The following TMEM38B variants were observed in gnomAD, a reference collection of about 807,000 sequenced individuals.
The protein encoded by TMEM38B is trimeric intracellular cation channel type B.
TMEM38B carries 24 observed loss-of-function variants against 28.7 expected under a neutral mutation model. The observed-to-expected ratio is 0.84, with a 90% confidence interval of 0.61 to 1.18. The LOEUF is 1.18. Ranked by LOEUF, TMEM38B falls within the 50% of genes most tolerant of loss-of-function variation. TMEM38B has a pLI of 0.00. For missense variants in TMEM38B, 380 were observed against 350.9 expected (o/e 1.08, Z -0.66); for synonymous variants, 131 against 127.7 (o/e 1.03, Z -0.17).
intron 5 of TMEM38B, among the ~76,000 whole-genome samples, chr9:105,768,319 G>A (rs1826442527): frequency 6.6e-6 from 1 of 151,916 alleles, no homozygotes; most frequent in South Asian, 2.1e-4. Flanking sequence ...GCATATTACT[G>A]AATCCATTTT....
chr9:105,759,335 C>G (rs1364497392), intron 5 of TMEM38B: 1 of 1,039,434 alleles, frequency 9.6e-7, no homozygotes, highest in Non-Finnish European at 1.5e-6. Context: ...TGAATTCCTT[C>G]AAATCAATGG....
chr9:105,759,898 C>A, intron 5 of TMEM38B: 2 of 1,593,208 alleles, frequency 1.3e-6, no homozygotes. Flanking sequence ...TATCAACACA[C>A]CAGTGGCTGA....
intron 1 of TMEM38B, chr9:105,702,687 T>C (rs1835499818): frequency 6.6e-6 from 1 of 152,102 alleles, no homozygotes; most frequent in Non-Finnish European, 1.5e-5. Context: ...TATTTATTTA[T>C]TTATTTATTT....
intron 5 of TMEM38B, chr9:105,749,157 A>G: frequency 7.9e-7 from 1 of 1,262,766 alleles, no homozygotes; most frequent in Admixed American, 2.5e-5. Context: ...AGTCTCTTCC[A>G]GTCCTCAAAT....
At chr9:105,713,948 G>A (rs1370373279) in intron 2 of TMEM38B, among the ~76,000 whole-genome samples, 2 of 109,598 alleles carry the variant, frequency 1.8e-5, no homozygotes, top group African/African-American at 9.4e-5. Context: ...CTGTAGACAT[G>A]GGGATGACCA....
intron 2 of TMEM38B, chr9:105,710,393 G>T (rs1430048307): frequency 2.3e-6 from 2 of 872,250 alleles, no homozygotes; most frequent in African/African-American, 1.7e-5. Context: ...CTGACTTCAT[G>T]ATCTCCTTCT....
At chr9:105,773,776 G>A (rs1341591484) in intron 5 of TMEM38B, 89 bp from the exon 6 acceptor site, 17 of 1,240,256 alleles carry the variant, frequency 1.4e-5, no homozygotes, top group Non-Finnish European at 1.8e-5. Flanking sequence ...CATTAATAAT[G>A]CATTTTGATT....
chr9:105,713,378 C>T (rs752210137), intron 2 of TMEM38B, among the ~76,000 whole-genome samples: 4 of 152,170 alleles, frequency 2.6e-5, no homozygotes, highest in Non-Finnish European at 4.4e-5. Context: ...GGTGCCTGCT[C>T]CCGCTGCCTG....
chr9:105,738,715 C>CTT (rs71489351), intron 4 of TMEM38B, among the ~76,000 whole-genome samples: 111 of 109,640 alleles, frequency 1.0e-3, no homozygotes, highest in South Asian at 1.5e-3. Context: ...TAATTTTTTC[C>CTT]TTTTTTTTTT....
chr9:105,721,753 C>G, intron 3 of TMEM38B, 32 bp downstream of exon 3: 1 of 1,516,070 alleles, frequency 6.6e-7, no homozygotes, highest in Non-Finnish European at 9.0e-7. Context: ...CATAAATATT[C>G]TGTTGTTGGT....
chr9:105,751,898 G>T (rs915927144), intron 5 of TMEM38B, among the ~76,000 whole-genome samples: 5 of 152,186 alleles, frequency 3.3e-5, no homozygotes, highest in African/African-American at 1.2e-4. Flanking sequence ...TTCCTGTGGG[G>T]CCTTTAGCCA....
At chr9:105,716,851 A>G (rs1393962504) in intron 2 of TMEM38B, among the ~76,000 whole-genome samples, 5 of 152,314 alleles carry the variant, frequency 3.3e-5, no homozygotes, top group African/African-American at 1.2e-4. Context: ...CATCAGGGAC[A>G]GGTAGGTGAC....
intron 4 of TMEM38B, among the ~76,000 whole-genome samples, chr9:105,731,137 A>T (rs987512005): frequency 3.3e-5 from 5 of 151,556 alleles, no homozygotes; most frequent in Non-Finnish European, 5.9e-5. Context: ...TGCTTCTCTA[A>T]TTCTTTTAAT....
chr9:105,747,768 T>C (rs1564408482), intron 4 of TMEM38B, among the ~76,000 whole-genome samples: 1 of 152,188 alleles, frequency 6.6e-6, no homozygotes, highest in Non-Finnish European at 1.5e-5. Flanking sequence ...GAGATTCTGG[T>C]ATGTTGTGTC....
intron 4 of TMEM38B, among the ~76,000 whole-genome samples, chr9:105,733,985 A>C (rs2133596369): frequency 6.6e-6 from 1 of 151,444 alleles, no homozygotes; most frequent in African/African-American, 2.4e-5. Flanking sequence ...TCTTTGTGCT[A>C]ATTTTGGGTT....
At chr9:105,699,785 C>T (rs1242272044) in intron 1 of TMEM38B, among the ~76,000 whole-genome samples, 1 of 152,130 alleles carries the variant, frequency 6.6e-6, no homozygotes, top group East Asian at 1.9e-4. Flanking sequence ...TCCTCCTGAA[C>T]CCTTGCGTGT....
intron 1 of TMEM38B, among the ~76,000 whole-genome samples, chr9:105,702,125 A>G (rs889308595): frequency 2.6e-5 from 4 of 152,220 alleles, no homozygotes; most frequent in African/African-American, 9.7e-5. Context: ...TGTGTCATAG[A>G]TAATCTGTAA....
intron 5 of TMEM38B, among the ~76,000 whole-genome samples, chr9:105,764,927 G>A (rs1247110950): frequency 1.3e-5 from 2 of 152,036 alleles, no homozygotes; most frequent in Admixed American, 6.6e-5. Flanking sequence ...AAATAACGCC[G>A]CATATGTACA....
intron 2 of TMEM38B, among the ~76,000 whole-genome samples, chr9:105,716,709 A>G (rs935001555): frequency 5.6e-5 from 7 of 125,470 alleles, no homozygotes; most frequent in Non-Finnish European, 8.0e-5. Context: ...CCTCCTCGTC[A>G]GCCTACTCTT....
Sources: gnomAD v4.1 joint callset for allele counts (sites outside exome capture counted in the v4.1 genomes callset) on GRCh38, gnomAD v4.1.1 for gene constraint, MANE v1.5 for transcripts, NCBI Gene and HGNC (gene_info 2026-07-23, HGNC 2026-07-21) for gene names.